Variants in GPBP1L1 observed in about 807,000 individuals in gnomAD.
GPBP1L1 encodes the protein GC-rich promoter binding protein 1 like 1.
A neutral mutation model predicts 52.5 loss-of-function variants in GPBP1L1; 23 were observed. The observed-to-expected ratio is 0.44, with a 90% CI of 0.32 to 0.62. The LOEUF (loss-of-function observed/expected upper bound fraction) is 0.62. Among genes scored for constraint, GPBP1L1 ranks in the 20% least tolerant of loss-of-function variants. The pLI, the probability that GPBP1L1 is intolerant of heterozygous loss-of-function variation, is 0.06. For missense variants in GPBP1L1, 596 were observed against 579.3 expected, an observed-to-expected ratio of 1.03 and a Z score of -0.30; for synonymous variants, 243 against 203.1, an observed-to-expected ratio of 1.20 and a Z score of -1.67.
At chr1:45,683,350 C>T (rs912581056) in intron 2 of GPBP1L1, among the ~76,000 whole-genome samples, 7 of 150,796 alleles carry the variant, frequency 4.6e-5, no homozygotes, top group Admixed American at 3.3e-4. Context: ...GCACTACAGG[C>T]GCCTACCACC....
At chr1:45,654,942 T>A (rs1557708332) in intron 5 of GPBP1L1, 113 bp from the exon 6 acceptor site, 2 of 1,111,664 alleles carry the variant, frequency 1.8e-6, no homozygotes, top group South Asian at 1.7e-5. Flanking sequence ...ACAAAAAAAA[T>A]AAAAAAATGT....
In GPBP1L1 at chr1:45,656,855, A is replaced by T. The variant is rs900991101; in HGVS notation, c.61-1536T>A. Among the ~76,000 whole-genome samples the T allele has an allele frequency of 2.7e-4, 41 of 150,832 alleles. 1 individual carries two copies. Among genetic ancestry groups the T allele is most frequent in the Admixed American group, 6.6e-4 (10 of 15,146 alleles). On this transcript the variant is annotated intron_variant, in intron 4 of 12. Transcript: ENST00000355105. ...TAGTTTTTGTTGTTGTTTTTTTTTT[A>T]AATTTTTCTTGTAGAGACAAGGTCT...
At chr1:45,631,089 TAA>T (rs57585739) in intron 10 of GPBP1L1, among the ~76,000 whole-genome samples, 33 of 143,398 alleles carry the variant, frequency 2.3e-4, no homozygotes, top group African/African-American at 2.5e-4. Flanking sequence ...ACAGCCACAC[TAA>T]AAAAAAAAAA....
intron 8 of GPBP1L1, among the ~76,000 whole-genome samples, chr1:45,639,080 CATATAT>C (rs1157108322): frequency 6.6e-6 from 1 of 151,782 alleles, no homozygotes; most frequent in East Asian, 1.9e-4. Flanking sequence ...TAACAAAAAT[CATATAT>C]ATCAAGCAAA....
intron 6 of GPBP1L1, among the ~76,000 whole-genome samples, chr1:45,643,692 C>CA (rs1286900029): frequency 1.1e-5 from 1 of 89,158 alleles, no homozygotes; most frequent in African/African-American, 4.8e-5. Context: ...TTTTTTGTGA[C>CA]AGAGTGTCAC....
At chr1:45,645,768 G>GTTT (rs200618825) in intron 6 of GPBP1L1, 138 of 208,578 alleles carry the variant, frequency 6.6e-4, no homozygotes, top group South Asian at 9.3e-4. Context: ...GAAGTTTTTT[G>GTTT]TTTTTTTTTT....
intron 2 of GPBP1L1, among the ~76,000 whole-genome samples, chr1:45,682,358 C>T (rs2148523729): frequency 1.3e-5 from 2 of 152,286 alleles, no homozygotes; most frequent in South Asian, 4.1e-4. Context: ...GGGGAAAAAA[C>T]TTACTCCACA....
chr1:45,640,152 C>A, intron 8 of GPBP1L1, 58 bp downstream of exon 8: 1 of 1,364,932 alleles, frequency 7.3e-7, no homozygotes, highest in Non-Finnish European at 1.0e-6. Flanking sequence ...TTAATTTTTT[C>A]CTGATTTATT....
intron 2 of GPBP1L1, among the ~76,000 whole-genome samples, chr1:45,662,700 A>C (rs1438947271): frequency 6.6e-6 from 1 of 152,180 alleles, no homozygotes; most frequent in Non-Finnish European, 1.5e-5. Context: ...TCTCAAGTTG[A>C]GCGATGGGTA....
intron 2 of GPBP1L1, among the ~76,000 whole-genome samples, chr1:45,669,865 G>A (rs762992449): frequency 6.6e-6 from 1 of 151,360 alleles, no homozygotes; most frequent in Non-Finnish European, 1.5e-5. Context: ...CCATAAAAAT[G>A]AAAAACATAA....
intron 6 of GPBP1L1, among the ~76,000 whole-genome samples, chr1:45,653,040 T>C (rs775249487): frequency 2.2e-4 from 33 of 152,226 alleles, no homozygotes; most frequent in Non-Finnish European, 4.3e-4. Flanking sequence ...AAGGGCAGTA[T>C]AGACCTTCCT....
intron 2 of GPBP1L1, among the ~76,000 whole-genome samples, chr1:45,679,560 T>C (rs935068403): frequency 2.0e-5 from 3 of 152,028 alleles, no homozygotes; most frequent in Admixed American, 6.6e-5. Flanking sequence ...CTTTCCAGCA[T>C]CCTCTCCCAA....
intron 2 of GPBP1L1, among the ~76,000 whole-genome samples, chr1:45,668,904 T>C (rs1273139146): frequency 6.6e-6 from 1 of 152,110 alleles, no homozygotes; most frequent in African/African-American, 2.4e-5. Flanking sequence ...GAATTCAAGG[T>C]TGCAGTAGGC....
chr1:45,684,200 G>C (rs958382181), intron 2 of GPBP1L1, among the ~76,000 whole-genome samples: 1 of 130,536 alleles, frequency 7.7e-6, no homozygotes, highest in Non-Finnish European at 1.5e-5. Context: ...GGAGGTTGCA[G>C]TGAACAGAAA....
chr1:45,663,050 C>CAAAAAAAAAAAAAA (rs66502921), intron 2 of GPBP1L1, among the ~76,000 whole-genome samples: 41 of 117,160 alleles, frequency 3.5e-4, no homozygotes, highest in African/African-American at 1.1e-3. Context: ...GACTCTGTCT[C>CAAAAAAAAAAAAAA]AAAAAAAAAA....
At position 45,654,719 on chromosome 1, in the gene GPBP1L1, G is replaced by A. The variant is rs759018617; in HGVS notation, c.301C>T (p.Arg101Ter). Reference protein sequence around the residue: ...GNPSGWHSSSRGHDGMSQRSG... With the variant: ...GNPSGWHSSS ...CGTTGGCTCATGCCATCATGACCTC[G>A]GGAAGAGCTATGCCAACCAGATGGG... Residue 101 changes from arginine (R) to a stop codon, truncating the protein, a stop_gained, in exon 6 of 13, where the codon CGA (arginine) becomes TGA (stop). Transcript: ENST00000355105. LOFTEE classifies it high-confidence loss of function. The A allele has an allele frequency of 2.5e-6, 4 of 1,614,008 alleles. No individual in the cohort carries two copies. The highest frequency in any genetic ancestry group is 3.4e-6 in the Non-Finnish European group (4 of 1,180,018).
At chr1:45,673,846 A>C (rs1163456722) in intron 2 of GPBP1L1, among the ~76,000 whole-genome samples, 1 of 152,202 alleles carries the variant, frequency 6.6e-6, no homozygotes, top group Admixed American at 6.5e-5. Context: ...GCAACAGAGC[A>C]AGACTCCGTC....
intron 2 of GPBP1L1, among the ~76,000 whole-genome samples, chr1:45,671,584 T>G (rs1375484825): frequency 1.3e-5 from 2 of 151,814 alleles, no homozygotes; most frequent in Non-Finnish European, 2.9e-5. Context: ...TTTGGGAGGC[T>G]GAGGTGGGAG....
intron 10 of GPBP1L1, among the ~76,000 whole-genome samples, chr1:45,633,176 T>C (rs947682741): frequency 9.2e-5 from 14 of 152,054 alleles, no homozygotes; most frequent in African/African-American, 3.1e-4. Context: ...CCCAAAGGAG[T>C]TGAACTTATG....
Sources: allele counts gnomAD v4.1 joint callset (sites outside exome capture counted in the v4.1 genomes callset), GRCh38; gene constraint gnomAD v4.1.1; transcripts MANE v1.5; gene names NCBI Gene and HGNC (gene_info 2026-07-23, HGNC 2026-07-21).